Variants in RUNX1 observed in about 807,000 individuals in gnomAD.
RUNX1 encodes RUNX family transcription factor 1.
RUNX1 carries 19 observed loss-of-function variants against 42.8 expected under a neutral mutation model. The ratio of observed to expected loss-of-function variants is 0.44; its 90% CI spans 0.31 to 0.65. The LOEUF (loss-of-function observed/expected upper bound fraction) is 0.65, where lower values mean the gene tolerates loss of function less well. RUNX1 is among the 30% of genes least tolerant of loss of function. RUNX1 has a pLI of 0.07. For missense variants in RUNX1, 528 were observed against 672.0 expected (o/e 0.79, Z 2.37); for synonymous variants, 271 against 289.4 (o/e 0.94, Z 0.64).
chr21:34,874,610 C>CAAAAAAAAAAAAAAAAAAAAAAA lies in RUNX1; in HGVS notation c.508+5924_508+5946dup, dbSNP rs59950735. 1.2e-4 allele frequency among the ~76,000 whole-genome samples: 3 copies of CAAAAAAAAAAAAAAAAAAAAAAA among 25,300 alleles called. 1 individual carries two copies. Among genetic ancestry groups the CAAAAAAAAAAAAAAAAAAAAAAA allele is most frequent in the African/African-American group, 6.9e-4 (3 of 4,368 alleles). The allele number at this position is 25,300 out of a possible 152,430, so 16.6% of individuals were successfully genotyped here. A position where few individuals can be genotyped will look rare whatever the true frequency, so the allele number is the denominator to read the frequency against. ...AGGCAACAAGAGGGAAACTCTGTCT[C>CAAAAAAAAAAAAAAAAAAAAAAA]AAAAAAAAAAAAAAAAAAAAAAAAA... is the stretch of plus-strand genomic sequence containing the variant. On this transcript the variant is annotated intron_variant, in intron 5 of 8. Transcript: ENST00000675419.
intron 6 of RUNX1, among the ~76,000 whole-genome samples, chr21:34,840,088 G>T (rs2057210868): frequency 6.6e-6 from 1 of 152,166 alleles, no homozygotes; most frequent in Non-Finnish European, 1.5e-5. Flanking sequence ...GGCACATTCT[G>T]TCAGAGTCAC....
rs2146413491 is a variant in RUNX1 at position 34,887,034 on chromosome 21, C to G, written c.160G>C (p.Glu54Gln). ...TCCGGGGCGCCCAGCGGCAACGCCT[C>G]GCTCATCTTGCCTGGGCTCAGCGCG... ...STALSPGKMS[E>Q]ALPLGAPDAG... Residue 54 changes from glutamate to glutamine, a missense_variant, in exon 4 of 9, where the codon GAG (glutamate) becomes CAG (glutamine). Glu to Gln is a conservative substitution (Grantham distance 29). Around this residue, in one of 3 missense-constraint regions of RUNX1, gnomAD observed 114 missense variants for 115.0 expected, o/e 0.99. Transcript: ENST00000675419. 2 of 1,601,510 alleles carry G rather than the reference C, an allele frequency of 1.2e-6. No individual in the cohort carries two copies. Among genetic ancestry groups the G allele is most frequent in the Non-Finnish European group, 1.7e-6 (2 of 1,179,306 alleles).
At chr21:34,836,987 T>A (rs2057156216) in intron 6 of RUNX1, among the ~76,000 whole-genome samples, 1 of 152,048 alleles carries the variant, frequency 6.6e-6, no homozygotes, top group South Asian at 2.1e-4. Flanking sequence ...GAGGTATTTT[T>A]TGTTTGTTTG....
chr21:35,032,436 G>C (rs1324729582), intron 2 of RUNX1, among the ~76,000 whole-genome samples: 2 of 152,228 alleles, frequency 1.3e-5, no homozygotes, highest in East Asian at 3.8e-4. Context: ...AGCTGATAAA[G>C]TGGAAAAGAG....
In RUNX1 at chr21:34,788,121, G is replaced by T; in HGVS notation, c.*4014C>A. The stretch of plus-strand genomic sequence containing the variant: ...CAGCTTGACAGTTCCCCTTTAAGAA[G>T]CATTCCATACGTTTGTACCAGGGAG... On this transcript the variant is annotated 3_prime_UTR_variant, in exon 9 of 9. Transcript: ENST00000675419. 4.3e-6 allele frequency: 1 copy of T among 233,284 alleles called. No individual in the cohort carries two copies. Among genetic ancestry groups the T allele is most frequent in the Non-Finnish European group, 8.5e-6 (1 of 118,028 alleles). 14.5% of individuals were successfully genotyped at this position (233,284 alleles called of 1,614,324 possible). A position where few individuals can be genotyped will look rare whatever the true frequency, so the allele number is the denominator to read the frequency against.
chr21:34,918,024 G>GGGGCTA (rs1048670672), intron 2 of RUNX1, among the ~76,000 whole-genome samples: 2 of 151,654 alleles, frequency 1.3e-5, no homozygotes, highest in African/African-American at 4.9e-5. Context: ...AGCTACTCAG[G>GGGGCTA]GGGCTAAGGC....
intron 2 of RUNX1, among the ~76,000 whole-genome samples, chr21:34,998,539 T>C (rs2059014165): frequency 6.6e-6 from 1 of 152,064 alleles, no homozygotes; most frequent in Admixed American, 6.6e-5. Context: ...CTTTTTTCTT[T>C]TTTTCTTTTT....
intron 2 of RUNX1, among the ~76,000 whole-genome samples, chr21:34,943,831 T>G (rs1216180379): frequency 1.3e-5 from 2 of 152,208 alleles, no homozygotes; most frequent in Admixed American, 6.5e-5. Flanking sequence ...ATATTTTCAC[T>G]TTATGCTCGC....
rs771529157 is a variant in RUNX1, at chr21:34,792,348, C to T, written c.1230G>A (p.Ser410=). Residue 410 remains serine, a synonymous_variant, in exon 9 of 9, where the codon TCG becomes TCA. Coordinates refer to ENST00000675419, the MANE Select transcript of RUNX1 (RefSeq NM_001754.5). This position sits in a 1 kb window ranked among gnomAD's most constrained non-coding sequence, Gnocchi z 6.9. ...SPSYHLYYGA[S]AGSYQFSMVG... is the part of the protein sequence containing the mutation. ...CCATGGAGAACTGGTAGGAGCCGGCCGAGGCGCCGTAGTACAGGTGGTAGG... is the reference window on the plus strand; with the variant it reads ...CCATGGAGAACTGGTAGGAGCCGGCTGAGGCGCCGTAGTACAGGTGGTAGG... The T allele has an allele frequency of 1.6e-5, 25 of 1,556,540 alleles. No individual in the cohort carries two copies. Among genetic ancestry groups the T allele is most frequent in the Middle Eastern group, 3.3e-4 (2 of 5,998 alleles).
intron 2 of RUNX1, among the ~76,000 whole-genome samples, chr21:34,902,814 G>C (rs1455795709): frequency 6.6e-6 from 1 of 152,144 alleles, no homozygotes; most frequent in Non-Finnish European, 1.5e-5. Flanking sequence ...GGGTTTTCCA[G>C]CTCCAGGAAC....
intron 5 of RUNX1, among the ~76,000 whole-genome samples, chr21:34,870,876 T>C (rs1004224182): frequency 6.6e-5 from 10 of 152,110 alleles, no homozygotes; most frequent in African/African-American, 2.4e-4. Flanking sequence ...GAGGATTGCT[T>C]GAACACAGGA....
intron 2 of RUNX1, among the ~76,000 whole-genome samples, chr21:35,047,551 ACACACACACACTCTCTCTCTCT>A (rs1186935312): frequency 7.2e-4 from 69 of 95,434 alleles, no homozygotes; most frequent in African/African-American, 3.4e-3. Flanking sequence ...ACACACACAC[ACACACACACACTCTCTCTCTCT>A]CTCTCTCTCT....
chr21:34,933,053 G>A (rs533276791), intron 2 of RUNX1, among the ~76,000 whole-genome samples: 1 of 152,330 alleles, frequency 6.6e-6, no homozygotes, highest in East Asian at 1.9e-4. Context: ...AAGAGAGTTT[G>A]CACAAAAATT....
rs2146511193 is a variant in RUNX1 at position 34,908,084 on chromosome 21, G to A, written c.59-15121C>T. ...AAAAAAGGGAGGGTCTTATGAAATT[G>A]TATTTACAGAAAATTTACAACTCAT... On this transcript the variant is annotated intron_variant, in intron 2 of 8. Coordinates refer to ENST00000675419, the MANE Select transcript of RUNX1 (RefSeq NM_001754.5). Among the ~76,000 whole-genome samples, 2 of 152,238 alleles carry A rather than the reference G, an allele frequency of 1.3e-5. 1 individual carries two copies. Among genetic ancestry groups the A allele is most frequent in the Non-Finnish European group, 2.9e-5 (2 of 68,022 alleles).
At chr21:34,854,869 C>T (rs2057474714) in intron 6 of RUNX1, among the ~76,000 whole-genome samples, 2 of 152,170 alleles carry the variant, frequency 1.3e-5, no homozygotes, top group African/African-American at 4.8e-5. Context: ...GCCTGTCCTT[C>T]CCTCCAGGTT....
chr21:34,926,305 T>G (rs1480003651), intron 2 of RUNX1, among the ~76,000 whole-genome samples: 6 of 150,988 alleles, frequency 4.0e-5, no homozygotes, highest in African/African-American at 1.5e-4. Flanking sequence ...TGGGACCCCA[T>G]CTCTACAAAA....
intron 2 of RUNX1, among the ~76,000 whole-genome samples, chr21:35,029,328 C>G (rs2059257587): frequency 2.6e-5 from 4 of 152,220 alleles, no homozygotes; most frequent in Non-Finnish European, 4.4e-5. Flanking sequence ...AGTTCTGATC[C>G]TAACACAGCT....
intron 6 of RUNX1, among the ~76,000 whole-genome samples, chr21:34,842,599 T>G (rs2057255306): frequency 6.7e-6 from 1 of 150,058 alleles, no homozygotes; most frequent in African/African-American, 2.5e-5. Flanking sequence ...GAGTTGAGAG[T>G]GGCACTCTGA....
chr21:35,037,410 C>T (rs368352893), intron 2 of RUNX1, among the ~76,000 whole-genome samples: 14 of 152,322 alleles, frequency 9.2e-5, no homozygotes, highest in African/African-American at 2.9e-4. Context: ...CCACCAAATG[C>T]ATCCAGAGTC....
Sources: gnomAD v4.1 joint callset for allele counts (sites outside exome capture counted in the v4.1 genomes callset) on GRCh38, gnomAD v4.1.1 for gene constraint, gnomAD v4.1.1 regional missense constraint, Gnocchi (gnomAD v3.1) non-coding constraint, MANE v1.5 for transcripts, NCBI Gene and HGNC (gene_info 2026-07-23, HGNC 2026-07-21) for gene names.